Variants in CPHXL2 observed in about 807,000 individuals in gnomAD.
CPHXL2 encodes the protein cytoplasmic polyadenylated homeobox like 2.
the CPHXL2 span, among the ~76,000 whole-genome samples, chr16:75,666,547 G>A: frequency 6.8e-6 from 1 of 147,300 alleles, no homozygotes; most frequent in Non-Finnish European, 1.5e-5. Context: ...GATGGAGGTT[G>A]CAGTGAGCTG....
chr16:75,671,030 C>G, the CPHXL2 span, among the ~76,000 whole-genome samples: 1 of 152,276 alleles, frequency 6.6e-6, no homozygotes, highest in East Asian at 1.9e-4. Context: ...TCACCTCCCT[C>G]CATGCCTTTG....
At chr16:75,666,433 AAT>A in the CPHXL2 span, among the ~76,000 whole-genome samples, 1 of 152,000 alleles carries the variant, frequency 6.6e-6, no homozygotes, top group Non-Finnish European at 1.5e-5. Flanking sequence ...CAGCCTGGCC[AAT>A]AAGTCTCTAC....
the CPHXL2 span, among the ~76,000 whole-genome samples, chr16:75,666,932 C>A: frequency 6.6e-6 from 1 of 152,138 alleles, no homozygotes; most frequent in Non-Finnish European, 1.5e-5. Context: ...AAGGAACCTT[C>A]AAAACCATGC....
chr16:75,662,857 G>A, the CPHXL2 span, among the ~76,000 whole-genome samples: 1 of 149,470 alleles, frequency 6.7e-6, no homozygotes, highest in African/African-American at 2.5e-5. Context: ...GGAGTGCAGT[G>A]GCGCAGTGTC....
At chr16:75,665,693 A>G in the CPHXL2 span, among the ~76,000 whole-genome samples, 19 of 152,220 alleles carry the variant, frequency 1.2e-4, no homozygotes, top group South Asian at 8.3e-4. Flanking sequence ...CGAAACCCCA[A>G]TTCTACTAAA....
the CPHXL2 span, among the ~76,000 whole-genome samples, chr16:75,671,121 G>T: frequency 6.6e-6 from 1 of 152,080 alleles, no homozygotes; most frequent in East Asian, 1.9e-4. Flanking sequence ...GCCGGCTCAC[G>T]CCTATAATCC....
At chr16:75,674,049 C>G in the CPHXL2 span, among the ~76,000 whole-genome samples, 3 of 146,424 alleles carry the variant, frequency 2.0e-5, no homozygotes, top group Non-Finnish European at 4.5e-5. Context: ...GACGAAAATA[C>G]TTATGAATAA....
the CPHXL2 span, among the ~76,000 whole-genome samples, chr16:75,668,161 G>A: frequency 2.0e-5 from 3 of 150,910 alleles, no homozygotes; most frequent in East Asian, 1.9e-4. Context: ...TAATAATACC[G>A]TTTTCCTATG....
At chr16:75,670,954 C>T in the CPHXL2 span, among the ~76,000 whole-genome samples, 3 of 152,146 alleles carry the variant, frequency 2.0e-5, no homozygotes, top group Admixed American at 6.6e-5. Context: ...AATCTCCACT[C>T]GGGCTATTCT....
At chr16:75,674,583 T>C in the CPHXL2 span, among the ~76,000 whole-genome samples, 1 of 152,070 alleles carries the variant, frequency 6.6e-6, no homozygotes, top group South Asian at 2.1e-4. Context: ...TTTGGAGAAA[T>C]TGATAAGCTG....
At chr16:75,674,372 CAA>C in the CPHXL2 span, among the ~76,000 whole-genome samples, 110 of 53,370 alleles carry the variant, frequency 2.1e-3, no homozygotes, top group African/African-American at 7.4e-3. Flanking sequence ...GACTCCGTCT[CAA>C]AAAAAAAAAA....
chr16:75,676,146 C>T, the CPHXL2 span, among the ~76,000 whole-genome samples: 1 of 152,088 alleles, frequency 6.6e-6, no homozygotes, highest in Non-Finnish European at 1.5e-5. Flanking sequence ...CTCGCTCCAT[C>T]CAGGGGTCAT....
the CPHXL2 span, among the ~76,000 whole-genome samples, chr16:75,663,186 C>T: frequency 6.6e-6 from 1 of 152,074 alleles, no homozygotes; most frequent in African/African-American, 2.4e-5. Flanking sequence ...ATTTCCATGC[C>T]CTGTGCTACT....
At chr16:75,675,476 T>C in the CPHXL2 span, among the ~76,000 whole-genome samples, 7 of 152,094 alleles carry the variant, frequency 4.6e-5, no homozygotes, top group Non-Finnish European at 4.4e-5. Flanking sequence ...AATAATCATC[T>C]TTTCAACAAA....
At chr16:75,668,481 C>A in the CPHXL2 span, among the ~76,000 whole-genome samples, 2 of 152,116 alleles carry the variant, frequency 1.3e-5, no homozygotes, top group African/African-American at 4.8e-5. Flanking sequence ...CCCACTGTGG[C>A]CTCCCAAAGT....
the CPHXL2 span, among the ~76,000 whole-genome samples, chr16:75,661,978 G>A: frequency 6.6e-6 from 1 of 152,154 alleles, no homozygotes; most frequent in South Asian, 2.1e-4. Context: ...CTGCCTACCT[G>A]GAAACACTGT....
At chr16:75,674,372 CAAAAAA>C in the CPHXL2 span, among the ~76,000 whole-genome samples, 1 of 53,398 alleles carries the variant, frequency 1.9e-5, no homozygotes, top group Non-Finnish European at 3.7e-5. Flanking sequence ...GACTCCGTCT[CAAAAAA>C]AAAAAAAAAA....
At chr16:75,669,314 C>G in the CPHXL2 span, 1 of 304,658 alleles carries the variant, frequency 3.3e-6, no homozygotes, top group Non-Finnish European at 5.1e-6. Flanking sequence ...GAGACCTTTC[C>G]TAAAAAAAAA....
the CPHXL2 span, among the ~76,000 whole-genome samples, chr16:75,661,537 C>A: frequency 6.6e-6 from 1 of 151,874 alleles, no homozygotes; most frequent in East Asian, 1.9e-4. Context: ...TATCTCCAAC[C>A]TACTTGTGAC....
Sources: allele counts gnomAD v4.1 joint callset (sites outside exome capture counted in the v4.1 genomes callset), GRCh38; gene constraint gnomAD v4.1.1; transcripts MANE v1.5; gene names NCBI Gene and HGNC (gene_info 2026-07-23, HGNC 2026-07-21).